SGMS1: variants seen among roughly 807,000 people sequenced by gnomAD.
SGMS1 encodes the protein sphingomyelin synthase 1.
Under a neutral mutation model 46.2 loss-of-function variants are expected in SGMS1, and 13 were observed. That is an observed-to-expected ratio of 0.28 (90% confidence interval 0.18 to 0.45). The LOEUF is 0.45. Ranked by LOEUF, SGMS1 falls within the 20% of genes least tolerant of loss-of-function variation. The pLI is 1.00. For synonymous variants in SGMS1, 203 were observed against 187.8 expected (o/e 1.08, Z -0.66); for missense variants, 324 against 519.9 (o/e 0.62, Z 3.66).
At chr10:50,446,614 T>C (rs967558797) in intron 5 of SGMS1, among the ~76,000 whole-genome samples, 1 of 152,112 alleles carries the variant, frequency 6.6e-6, no homozygotes, top group Non-Finnish European at 1.5e-5. Flanking sequence ...TATGAATCTA[T>C]AAAACACCAG....
rs376491039 is a variant in SGMS1 at position 50,344,766 on chromosome 10, C to G, written c.-231-421G>C. On this transcript the variant is annotated intron_variant, in intron 6 of 10. Coordinates refer to ENST00000361781, the MANE Select transcript of SGMS1 (RefSeq NM_147156.4). ...CGCCTGTAGTCCCAGCTACTCCTGCCCAGGCTGAGGCAGGAGAATGGTGTG... is the reference window on the plus strand; with the variant it reads ...CGCCTGTAGTCCCAGCTACTCCTGCGCAGGCTGAGGCAGGAGAATGGTGTG... Among the ~76,000 whole-genome samples, 7 of 151,870 alleles carry G rather than the reference C, an allele frequency of 4.6e-5. No homozygotes were observed. The East Asian group carries it at 1.2e-3, about 25-fold the overall frequency.
At chr10:50,325,271 A>T (rs553451633) in intron 8 of SGMS1, among the ~76,000 whole-genome samples, 2 of 152,358 alleles carry the variant, frequency 1.3e-5, no homozygotes, top group East Asian at 3.9e-4. Flanking sequence ...GAAAGTTTTC[A>T]GAATAAAAAA....
chr10:50,359,611 T>C (rs1397040297), intron 6 of SGMS1, among the ~76,000 whole-genome samples: 2 of 152,016 alleles, frequency 1.3e-5, no homozygotes, highest in Admixed American at 1.3e-4. Context: ...AAGCCTCCAA[T>C]TGAGTCATTT....
At chr10:50,512,563 A>T (rs1473736759) in intron 3 of SGMS1, among the ~76,000 whole-genome samples, 1 of 152,172 alleles carries the variant, frequency 6.6e-6, no homozygotes, top group Admixed American at 6.5e-5. Flanking sequence ...TGGGTTTGCC[A>T]GTCCATGAGG....
intron 2 of SGMS1, among the ~76,000 whole-genome samples, chr10:50,580,102 TTAAAG>T (rs1232280385): frequency 1.3e-5 from 2 of 152,094 alleles, no homozygotes; most frequent in Non-Finnish European, 2.9e-5. Flanking sequence ...TGCAGAAAAT[TTAAAG>T]TAATCAAACT....
At chr10:50,414,679 C>T (rs1306306596) in intron 6 of SGMS1, among the ~76,000 whole-genome samples, 1 of 152,138 alleles carries the variant, frequency 6.6e-6, no homozygotes, top group Non-Finnish European at 1.5e-5. Context: ...ACTCAAATAA[C>T]TTGCCCAGAG....
chr10:50,317,504 A>G (rs1377219396), intron 8 of SGMS1, among the ~76,000 whole-genome samples: 2 of 152,142 alleles, frequency 1.3e-5, no homozygotes, highest in East Asian at 1.9e-4. Flanking sequence ...TCAGAGCCCA[A>G]ATGTCTTACC....
chr10:50,355,462 A>G (rs1848127166), intron 6 of SGMS1, among the ~76,000 whole-genome samples: 1 of 152,102 alleles, frequency 6.6e-6, no homozygotes, highest in African/African-American at 2.4e-5. Flanking sequence ...TTTGGTGGAG[A>G]CAGGGTTTCG....
At chr10:50,401,573 A>G (rs1049521409) in intron 6 of SGMS1, among the ~76,000 whole-genome samples, 1 of 152,190 alleles carries the variant, frequency 6.6e-6, no homozygotes, top group Admixed American at 6.5e-5. Flanking sequence ...TATTCCAACT[A>G]TAAAGTACTC....
chr10:50,442,477 C>T (rs533217077), intron 5 of SGMS1, among the ~76,000 whole-genome samples: 21 of 152,172 alleles, frequency 1.4e-4, no homozygotes, highest in Middle Eastern at 3.4e-3. Context: ...CTAAGAATAA[C>T]GGCCTCCAGC....
intron 9 of SGMS1, among the ~76,000 whole-genome samples, chr10:50,310,843 C>T (rs1182864303): frequency 1.3e-5 from 2 of 152,192 alleles, no homozygotes; most frequent in East Asian, 3.8e-4. Flanking sequence ...CATCACTGTA[C>T]CCTCAGGCAT....
At chr10:50,389,822 TAAATA>T (rs941759742) in intron 6 of SGMS1, among the ~76,000 whole-genome samples, 1 of 152,036 alleles carries the variant, frequency 6.6e-6, no homozygotes, top group Non-Finnish European at 1.5e-5. Flanking sequence ...CAAAAATAAA[TAAATA>T]AATAAACTGT....
Position 50,613,432 on chromosome 10 carries a change from T to C in SGMS1, c.-684+10275A>G, listed in dbSNP as rs148158770. On this transcript the variant is annotated intron_variant, in intron 1 of 10. Coordinates refer to ENST00000361781, the MANE Select transcript of SGMS1 (RefSeq NM_147156.4). ...AAAGCTCACCAGGGAAACTGGCCCATAGGGGATTTTCAACACATATTTACT... is the reference window on the plus strand; with the variant it reads ...AAAGCTCACCAGGGAAACTGGCCCACAGGGGATTTTCAACACATATTTACT... Among the ~76,000 whole-genome samples, 32 of 152,304 alleles carry C rather than the reference T, an allele frequency of 2.1e-4. No individual in the cohort carries two copies. In the East Asian group the frequency reaches 4.8e-3, roughly 23 times the overall value.
intron 2 of SGMS1, among the ~76,000 whole-genome samples, chr10:50,569,970 C>T (rs971198547): frequency 6.6e-6 from 1 of 152,172 alleles, no homozygotes; most frequent in Admixed American, 6.5e-5. Context: ...AATCTTCTCC[C>T]TTGCTCTTTT....
intron 7 of SGMS1, chr10:50,336,186 A>G (rs979041274): frequency 2.0e-5 from 3 of 152,284 alleles, no homozygotes; most frequent in Non-Finnish European, 4.4e-5. Context: ...AGGCTAGGAG[A>G]TCCAGATGAT....
At chr10:50,323,982 C>G (rs1847490562) in intron 8 of SGMS1, among the ~76,000 whole-genome samples, 1 of 152,186 alleles carries the variant, frequency 6.6e-6, no homozygotes, top group African/African-American at 2.4e-5. Flanking sequence ...GCCTCATACT[C>G]TAGCACCCAA....
chr10:50,619,302 GC>G (rs1838826183), intron 1 of SGMS1, among the ~76,000 whole-genome samples: 1 of 152,028 alleles, frequency 6.6e-6, no homozygotes, highest in African/African-American at 2.4e-5. Flanking sequence ...AGATAAACCT[GC>G]ACTAACAAGG....
chr10:50,315,709 AT>A (rs1328907987), intron 8 of SGMS1, among the ~76,000 whole-genome samples: 3 of 152,162 alleles, frequency 2.0e-5, no homozygotes, highest in Non-Finnish European at 4.4e-5. Flanking sequence ...TTGAATGTCT[AT>A]TTTTGAAAGC....
At chr10:50,517,665 T>C (rs1390221147) in intron 3 of SGMS1, among the ~76,000 whole-genome samples, 2 of 151,960 alleles carry the variant, frequency 1.3e-5, no homozygotes, top group Non-Finnish European at 2.9e-5. Context: ...ATGAAATAAA[T>C]GGATAGATAC....
Sources: allele counts gnomAD v4.1 joint callset (sites outside exome capture counted in the v4.1 genomes callset), GRCh38; gene constraint gnomAD v4.1.1; transcripts MANE v1.5; gene names NCBI Gene and HGNC (gene_info 2026-07-23, HGNC 2026-07-21).